Variants in FHIT observed in about 807,000 individuals in gnomAD.
FHIT encodes fragile histidine triad diadenosine triphosphatase.
In FHIT, 19 loss-of-function variants were observed where a neutral mutation model predicts 17.9. The observed-to-expected ratio is 1.06, with a 90% CI of 0.74 to 1.56. The LOEUF (loss-of-function observed/expected upper bound fraction) is 1.56, where lower values mean the gene tolerates loss of function less well. FHIT is among the 40% of genes most tolerant of loss of function. The pLI is 0.00. For missense variants in FHIT, 248 were observed against 189.2 expected (o/e 1.31, Z -1.82); for synonymous variants, 81 against 69.7 (o/e 1.16, Z -0.81).
chr3:61,250,101 GC>G (rs2040581794), intron 1 of FHIT, among the ~76,000 whole-genome samples: 1 of 152,216 alleles, frequency 6.6e-6, no homozygotes, highest in Non-Finnish European at 1.5e-5. Flanking sequence ...TCCGAGTCAA[GC>G]GGCTGCTCTA....
At chr3:59,774,876 C>G (rs1702233519) in intron 8 of FHIT, among the ~76,000 whole-genome samples, 1 of 152,192 alleles carries the variant, frequency 6.6e-6, no homozygotes, top group African/African-American at 2.4e-5. Context: ...TTGCCAAACT[C>G]AAATTCTTAA....
chr3:59,919,812 A>G (rs1705316458), intron 8 of FHIT, among the ~76,000 whole-genome samples: 1 of 152,214 alleles, frequency 6.6e-6, no homozygotes, highest in Non-Finnish European at 1.5e-5. Context: ...CAATATAAAG[A>G]ATGCCATCCC....
At chr3:59,756,277 T>C (rs1410940315) in intron 8 of FHIT, among the ~76,000 whole-genome samples, 1 of 152,182 alleles carries the variant, frequency 6.6e-6, no homozygotes, top group Non-Finnish European at 1.5e-5. Flanking sequence ...CAACTTATTA[T>C]AATGAGACAC....
chr3:61,035,502 A>G (rs896625523), intron 3 of FHIT, among the ~76,000 whole-genome samples: 11 of 152,314 alleles, frequency 7.2e-5, no homozygotes, highest in East Asian at 1.9e-4. Context: ...GTTAGTCAGA[A>G]TTAGTTTCTG....
intron 8 of FHIT, among the ~76,000 whole-genome samples, chr3:59,841,868 A>G (rs575058330): frequency 1.3e-5 from 2 of 152,288 alleles, no homozygotes; most frequent in Middle Eastern, 3.4e-3. Flanking sequence ...ATTACCACTG[A>G]TATTTTCTTC....
At position 60,667,021 on chromosome 3, in the gene FHIT, A is replaced by ATTTTTTTTT. The variant is rs56071877; in HGVS notation, c.-17-130051_-17-130043dup. ...AGGTGTGCACCACCATGCCTGGTTA[A>ATTTTTTTTT]TTTTTTTTTTTTTTTTTTTTTTTTT... On this transcript the variant is annotated intron_variant, in intron 4 of 9. Coordinates refer to ENST00000492590, the MANE Select transcript of FHIT (RefSeq NM_002012.4). 1.2e-3 allele frequency among the ~76,000 whole-genome samples: 41 copies of ATTTTTTTTT among 34,124 alleles called. 2 individuals carry two copies. The highest frequency in any genetic ancestry group is 3.7e-3 in the African/African-American group (36 of 9,738). The allele number at this position is 34,124 out of a possible 152,430, so 22.4% of individuals were successfully genotyped here. A position where few individuals can be genotyped will look rare whatever the true frequency, so the allele number is the denominator to read the frequency against.
chr3:61,170,664 G>GCATCCGTGTTT (rs1245797542), intron 2 of FHIT, among the ~76,000 whole-genome samples: 1 of 152,076 alleles, frequency 6.6e-6, no homozygotes, highest in Non-Finnish European at 1.5e-5. Flanking sequence ...TAAGGATAAT[G>GCATCCGTGTTT]GCCTCCATCT....
intron 3 of FHIT, 60 bp downstream of exon 3, chr3:61,041,987 G>A (rs1386187372): frequency 6.6e-6 from 1 of 152,196 alleles, no homozygotes; most frequent in African/African-American, 2.4e-5. Flanking sequence ...GTGTGGCCAG[G>A]TGACTTTAGC....
At chr3:59,876,621 G>A (rs1469242495) in intron 8 of FHIT, among the ~76,000 whole-genome samples, 1 of 152,156 alleles carries the variant, frequency 6.6e-6, no homozygotes, top group Non-Finnish European at 1.5e-5. Flanking sequence ...CCTGCTACAG[G>A]GTAACACAGG....
chr3:61,011,808 C>T lies in FHIT; in HGVS notation c.-111+30239G>A, dbSNP rs552179714. On this transcript the variant is annotated intron_variant, in intron 3 of 9. Transcript: ENST00000492590. ...TGGGAATCTGTAAAAAATACAATGG[C>T]GATGGTGTCTTATTTCTCTCAGGAG... 3.3e-5 allele frequency among the ~76,000 whole-genome samples: 5 copies of T among 152,196 alleles called. No individual in the cohort carries two copies. In the South Asian group the frequency reaches 6.2e-4, roughly 19 times the overall value.
chr3:61,215,725 C>T (rs1198619186), intron 1 of FHIT, among the ~76,000 whole-genome samples: 3 of 152,196 alleles, frequency 2.0e-5, no homozygotes, highest in South Asian at 2.1e-4. Flanking sequence ...GGAGGCATCA[C>T]TCTACCTGAC....
chr3:61,080,802 AT>A (rs1173646682), intron 2 of FHIT, among the ~76,000 whole-genome samples: 20 of 152,224 alleles, frequency 1.3e-4, no homozygotes, highest in African/African-American at 2.6e-4. Flanking sequence ...TTTCCCACCA[AT>A]GGGGAAACAT....
rs187246621 is a variant in FHIT, at chr3:60,193,147, T to C, written c.104-178995A>G. On this transcript the variant is annotated intron_variant, in intron 5 of 9. Transcript: ENST00000492590. ...ATTAACAAAATACACTTCAGAAATA[T>C]GAACACTTAGAATGCACTTAGTCAC... Among the ~76,000 whole-genome samples the C allele has an allele frequency of 1.1e-4, 17 of 152,310 alleles. No homozygotes were observed. In the East Asian group the frequency reaches 3.3e-3, roughly 29 times the overall value.
Position 60,775,621 on chromosome 3 carries a change from T to C in FHIT, c.-18+46298A>G, listed in dbSNP as rs374675716. Among the ~76,000 whole-genome samples the C allele has an allele frequency of 7.2e-5, 11 of 152,274 alleles. 1 individual carries two copies. The highest frequency in any genetic ancestry group is 2.6e-4 in the Admixed American group (4 of 15,296). ...ACTGAACTATGGAAAAGTCCTGCAA[T>C]ATTTTTGGCGCCCAACGTGGGGACT... is the stretch of plus-strand genomic sequence containing the variant. On this transcript the variant is annotated intron_variant, in intron 4 of 9. Coordinates refer to ENST00000492590, the MANE Select transcript of FHIT (RefSeq NM_002012.4).
At chr3:60,099,360 G>T (rs1054744734) in intron 5 of FHIT, among the ~76,000 whole-genome samples, 1 of 152,146 alleles carries the variant, frequency 6.6e-6, no homozygotes, top group Non-Finnish European at 1.5e-5. Context: ...TAAGCATGTG[G>T]AATACATTAT....
chr3:60,328,090 A>G (rs973744004), intron 5 of FHIT, among the ~76,000 whole-genome samples: 3 of 152,134 alleles, frequency 2.0e-5, no homozygotes, highest in Non-Finnish European at 2.9e-5. Flanking sequence ...CAGTCCTCTG[A>G]TTTTCAGCCT....
chr3:60,875,015 T>C (rs943591813), intron 3 of FHIT, among the ~76,000 whole-genome samples: 1 of 152,172 alleles, frequency 6.6e-6, no homozygotes, highest in Non-Finnish European at 1.5e-5. Flanking sequence ...AGAATATTTT[T>C]AAAATGGGAG....
intron 2 of FHIT, among the ~76,000 whole-genome samples, chr3:61,151,788 G>A (rs141357294): frequency 5.3e-5 from 8 of 151,922 alleles, no homozygotes; most frequent in South Asian, 2.1e-4. Context: ...GGCTGGTCTC[G>A]AGCTCCTGAG....
chr3:60,364,318 C>T (rs766819252), intron 5 of FHIT, among the ~76,000 whole-genome samples: 11 of 152,216 alleles, frequency 7.2e-5, no homozygotes, highest in Non-Finnish European at 1.3e-4. Flanking sequence ...TCCTTTATAA[C>T]TTATGAAGGC....
Sources: allele counts gnomAD v4.1 joint callset (sites outside exome capture counted in the v4.1 genomes callset), GRCh38; gene constraint gnomAD v4.1.1; transcripts MANE v1.5; gene names NCBI Gene and HGNC (gene_info 2026-07-23, HGNC 2026-07-21).